The following FAM193B variants were observed in gnomAD, a reference collection of about 807,000 sequenced individuals.
The protein encoded by FAM193B is protein FAM193B.
FAM193B carries 27 observed loss-of-function variants against 70.7 expected under a neutral mutation model. The ratio of observed to expected loss-of-function variants is 0.38; its 90% CI spans 0.28 to 0.53. FAM193B has a LOEUF of 0.53. Ranked by LOEUF, FAM193B falls within the 20% of genes least tolerant of loss-of-function variation. The pLI, the probability that FAM193B is intolerant of heterozygous loss-of-function variation, is 0.81. For missense variants in FAM193B, 1,022 were observed against 1,072.5 expected, an observed-to-expected ratio of 0.95 and a Z score of 0.66; for synonymous variants, 448 against 436.0, an observed-to-expected ratio of 1.03 and a Z score of -0.34.
At chr5:177,522,258 AG>A (rs1761867033) in intron 7 of FAM193B, 187 bp from the exon 8 acceptor site, 2 of 558,676 alleles carry the variant, frequency 3.6e-6, no homozygotes, top group Non-Finnish European at 6.4e-6. Context: ...GATTGGGCCC[AG>A]GGAACTATGT....
At chr5:177,546,141 A>G (rs1765398115) in intron 1 of FAM193B, among the ~76,000 whole-genome samples, 1 of 152,250 alleles carries the variant, frequency 6.6e-6, no homozygotes, top group South Asian at 2.1e-4. Flanking sequence ...CAACATTGTC[A>G]GAGTCCCTGT....
Position 177,538,535 on chromosome 5 carries a change from G to A in FAM193B, c.453+370C>T, listed in dbSNP as rs894377001. Among the ~76,000 whole-genome samples, 1 of 152,198 alleles carries A rather than the reference G, an allele frequency of 6.6e-6. No individual in the cohort carries two copies. Among genetic ancestry groups the A allele is most frequent in the Non-Finnish European group, 1.5e-5 (1 of 68,030 alleles). ...AACAGCAGACTTAGATGACTCCCAA[G>A]TGTCTGTCCTTCTAACTAGGGCACA... is the stretch of plus-strand genomic sequence containing the variant. On this transcript the variant is annotated intron_variant, in intron 2 of 8. Coordinates refer to ENST00000514747, the MANE Select transcript of FAM193B (RefSeq NM_001190946.3). The surrounding 1 kb of genome is among the most constrained non-coding windows in gnomAD (Gnocchi z 4.1).
chr5:177,545,688 T>C (rs1204400722), intron 1 of FAM193B, among the ~76,000 whole-genome samples: 2 of 150,160 alleles, frequency 1.3e-5, no homozygotes, highest in African/African-American at 4.9e-5. Flanking sequence ...GATAGCTCTC[T>C]GGGGGCATGA....
chr5:177,546,538 CTA>C (rs1198356836), intron 1 of FAM193B, among the ~76,000 whole-genome samples: 2 of 152,232 alleles, frequency 1.3e-5, no homozygotes, highest in Non-Finnish European at 2.9e-5. Flanking sequence ...TCCCAACATG[CTA>C]TGAGTCACTC....
intron 7 of FAM193B, chr5:177,523,266 C>A (rs1487101527): frequency 5.4e-6 from 2 of 369,238 alleles, no homozygotes; most frequent in Non-Finnish European, 5.7e-6. Flanking sequence ...TCCCAAAGTG[C>A]TAGGATGAGA....
chr5:177,532,102 T>A lies in FAM193B; in HGVS notation c.1275+341A>T. The stretch of plus-strand genomic sequence containing the variant: ...ACTGAGAGCCTTTTTGCTTCCACTC[T>A]GCCTTCATCACTCCCAAGCGTTCAC... On this transcript the variant is annotated intron_variant, in intron 5 of 8. Transcript: ENST00000514747. The surrounding 1 kb of genome is among the most constrained non-coding windows in gnomAD (Gnocchi z 4.9). 7.6e-7 allele frequency: 1 copy of A among 1,313,448 alleles called. No individual in the cohort carries two copies. The highest frequency in any genetic ancestry group is 1.5e-5 in the African/African-American group (1 of 67,108). The allele number at this position is 1,313,448 out of a possible 1,614,324, so 81.4% of individuals were successfully genotyped here. A position where few individuals can be genotyped will look rare whatever the true frequency, so the allele number is the denominator to read the frequency against.
intron 4 of FAM193B, among the ~76,000 whole-genome samples, chr5:177,535,842 A>G (rs1034427786): frequency 6.6e-5 from 10 of 152,184 alleles, no homozygotes; most frequent in African/African-American, 2.4e-4. Flanking sequence ...GGTTGTGAAG[A>G]CATTTTTTTC....
At chr5:177,527,550 C>T (rs1316496257) in intron 5 of FAM193B, among the ~76,000 whole-genome samples, 1 of 152,252 alleles carries the variant, frequency 6.6e-6, no homozygotes, top group East Asian at 1.9e-4. Context: ...TGCCTGAGAA[C>T]TCACATGTGC....
intron 1 of FAM193B, among the ~76,000 whole-genome samples, chr5:177,540,260 T>C (rs1169668107): frequency 1.4e-5 from 2 of 139,354 alleles, no homozygotes; most frequent in African/African-American, 5.5e-5. Flanking sequence ...TGAGCCAAGA[T>C]CGCGCCACTG....
In FAM193B at chr5:177,536,429, C is replaced by T; in HGVS notation, c.1005G>A (p.Gly335=). The change falls in exon 4 of 9, where the codon GGG becomes GGA. Residue 335 remains glycine (G), a synonymous_variant. Transcript: ENST00000514747. Reference sequence around the variant, plus strand: ...GCCCACTGCAGTGCCCACCACAGTGCCCGCTGCAGGGGTGGCTGCACCCCG... The same window carrying T: ...GCCCACTGCAGTGCCCACCACAGTGTCCGCTGCAGGGGTGGCTGCACCCCG... The part of the protein sequence containing the change: ...PFSGCSHPCS[G]HCGGHCSGPL... The T allele has an allele frequency of 6.2e-7, 1 of 1,601,794 alleles. No homozygotes were observed. Among genetic ancestry groups the T allele is most frequent in the Non-Finnish European group, 8.5e-7 (1 of 1,176,178 alleles).
intron 3 of FAM193B, 79 bp from the exon 4 acceptor site, chr5:177,536,824 G>GCATC: frequency 1.3e-6 from 2 of 1,498,634 alleles, no homozygotes; most frequent in East Asian, 5.1e-5. Context: ...CACTGCCACA[G>GCATC]CATCCTGCTT....
In FAM193B at chr5:177,532,993, C is replaced by T. The variant is rs560895407; in HGVS notation, c.1077-352G>A. On this transcript the variant is annotated intron_variant, in intron 4 of 8. Coordinates refer to ENST00000514747, the MANE Select transcript of FAM193B (RefSeq NM_001190946.3). This position sits in a 1 kb window ranked among gnomAD's most constrained non-coding sequence, Gnocchi z 4.9. ...CGCATTTGTCTCTCAAACTGGACTG[C>T]ACGCCTCAAGGGCAGGGGCTGTGTT... Among the ~76,000 whole-genome samples the T allele has an allele frequency of 2.0e-5, 3 of 152,342 alleles. No homozygotes were observed. Among genetic ancestry groups the T allele is most frequent in the African/African-American group, 7.2e-5 (3 of 41,574 alleles).
intron 4 of FAM193B, among the ~76,000 whole-genome samples, chr5:177,535,942 GCT>G (rs1764114592): frequency 7.0e-6 from 1 of 143,162 alleles, no homozygotes; most frequent in East Asian, 2.0e-4. Flanking sequence ...TTTTTTTAAA[GCT>G]CTGTCACCCA....
At position 177,554,290 on chromosome 5, in the gene FAM193B, G is replaced by T; in HGVS notation, c.169C>A (p.Pro57Thr). The change falls in exon 1 of 9, where the codon CCC (proline) becomes ACC (threonine). Residue 57 changes from proline to threonine, a missense_variant. Transcript: ENST00000514747. ...EAPAEPDHDG[P>T]REDDEPNLVP... ...AGGTTGGGTTCGTCATCCTCCCTGGGGCCGTCGTGGTCGGGCTCCGCCGGC... is the reference window on the plus strand; with the variant it reads ...AGGTTGGGTTCGTCATCCTCCCTGGTGCCGTCGTGGTCGGGCTCCGCCGGC... 7.1e-7 allele frequency: 1 copy of T among 1,405,372 alleles called. No homozygotes were observed. The highest frequency in any genetic ancestry group is 9.3e-7 in the Non-Finnish European group (1 of 1,074,452). 87.1% of individuals were successfully genotyped at this position (1,405,372 alleles called of 1,614,324 possible). A position where few individuals can be genotyped will look rare whatever the true frequency, so the allele number is the denominator to read the frequency against.
At chr5:177,531,669 A>G (rs754316349) in intron 5 of FAM193B, 1 of 742,940 alleles carries the variant, frequency 1.3e-6, no homozygotes. Flanking sequence ...TCACCCTCTC[A>G]GCCAGGCTGA....
intron 1 of FAM193B, chr5:177,554,018 A>AG: frequency 7.6e-7 from 1 of 1,313,298 alleles, no homozygotes; most frequent in East Asian, 3.5e-5. Flanking sequence ...CGGCGGGGAG[A>AG]GGGGAGCAGC....
intron 1 of FAM193B, chr5:177,553,995 G>A (rs1422261798): frequency 1.4e-5 from 18 of 1,282,190 alleles, no homozygotes; most frequent in Admixed American, 3.5e-5. Flanking sequence ...TGTACGGCCG[G>A]AACGCCCGGA....
intron 1 of FAM193B, among the ~76,000 whole-genome samples, chr5:177,552,994 A>C (rs1766490471): frequency 5.3e-5 from 8 of 152,144 alleles, no homozygotes; most frequent in Admixed American, 5.2e-4. Context: ...GTCCCTGTGG[A>C]GTTCACAGTC....
chr5:177,526,358 C>G (rs891061066), intron 5 of FAM193B, among the ~76,000 whole-genome samples: 1 of 152,202 alleles, frequency 6.6e-6, no homozygotes, highest in East Asian at 1.9e-4. Flanking sequence ...TTCCCATGTG[C>G]GAAGGTGGGG....
Sources: gnomAD v4.1 joint callset for allele counts (sites outside exome capture counted in the v4.1 genomes callset) on GRCh38, gnomAD v4.1.1 for gene constraint, Gnocchi (gnomAD v3.1) non-coding constraint, MANE v1.5 for transcripts, NCBI Gene and HGNC (gene_info 2026-07-23, HGNC 2026-07-21) for gene names.